The following LRP2 variants were observed in gnomAD, a reference collection of about 807,000 sequenced individuals.
LRP2 encodes the protein LDL receptor related protein 2.
A neutral mutation model predicts 531.0 loss-of-function variants in LRP2; 172 were observed. That is an observed-to-expected ratio of 0.32 (90% CI 0.29 to 0.37). The LOEUF is 0.37. Among genes scored for constraint, LRP2 ranks in the 10% least tolerant of loss-of-function variants. The probability of loss-of-function intolerance (pLI) is 1.00; values close to 1 mark genes in which losing one functional copy is unlikely to be tolerated. For missense variants in LRP2, 5,167 were observed against 5,868.3 expected, an observed-to-expected ratio of 0.88 and a Z score of 3.90; for synonymous variants, 1,992 against 2,027.6, an observed-to-expected ratio of 0.98 and a Z score of 0.47.
chr2:169,292,935 C>T (rs1370547816), intron 6 of LRP2, among the ~76,000 whole-genome samples: 1 of 152,008 alleles, frequency 6.6e-6, no homozygotes, highest in Non-Finnish European at 1.5e-5. Context: ...ATGACAACAT[C>T]CAACGTTCTC....
intron 1 of LRP2, among the ~76,000 whole-genome samples, chr2:169,333,526 G>T (rs1273472409): frequency 7.1e-6 from 1 of 141,022 alleles, no homozygotes. Flanking sequence ...GGGAGGGAGG[G>T]AGGGAGGGAG....
At chr2:169,144,878 G>A (rs966164290) in intron 70 of LRP2, among the ~76,000 whole-genome samples, 1 of 152,140 alleles carries the variant, frequency 6.6e-6, no homozygotes, top group African/African-American at 2.4e-5. Flanking sequence ...CATTCAACCT[G>A]GGACTTTGGC....
At chr2:169,178,598 G>A (rs1687305576) in intron 52 of LRP2, among the ~76,000 whole-genome samples, 1 of 152,146 alleles carries the variant, frequency 6.6e-6, no homozygotes, top group South Asian at 2.1e-4. Flanking sequence ...TATTAATCGT[G>A]CCATGGCACC....
chr2:169,328,456 A>AAAAAAAAAG (rs1685180191), intron 1 of LRP2, among the ~76,000 whole-genome samples: 3 of 147,188 alleles, frequency 2.0e-5, no homozygotes, highest in African/African-American at 7.5e-5. Flanking sequence ...AAAAAAAAAA[A>AAAAAAAAAG]AAAAAAAAGA....
In LRP2 at chr2:169,172,011, T is replaced by C; in HGVS notation, c.11263+4A>G. 2 of 1,614,046 alleles carry C rather than the reference T, an allele frequency of 1.2e-6. No individual in the cohort carries two copies. The highest frequency in any genetic ancestry group is 1.7e-6 in the Non-Finnish European group (2 of 1,179,954). On this transcript the variant is annotated splice_donor_region_variant and intron_variant, in intron 58 of 78. Transcript: ENST00000649046. ...ATAAGGACCATAGGACTGTGAACAC[T>C]CACCACAGTTTTCCTCATCTGAGTT...
At chr2:169,323,477 AG>A (rs1161460061) in intron 1 of LRP2, among the ~76,000 whole-genome samples, 1 of 152,210 alleles carries the variant, frequency 6.6e-6, no homozygotes, top group African/African-American at 2.4e-5. Context: ...GGTCTAGATT[AG>A]GTCTAATAAC....
chr2:169,156,581 T>C lies in LRP2; in HGVS notation c.12020-176A>G, dbSNP rs558810495. The stretch of plus-strand genomic sequence containing the variant: ...AGTTTCAGATACTGTTTCACATGCT[T>C]TTCAAATATTTTCCTCGTTTAGTCT... On this transcript the variant is annotated intron_variant, in intron 64 of 78. Coordinates refer to ENST00000649046, the MANE Select transcript of LRP2 (RefSeq NM_004525.3). Among the ~76,000 whole-genome samples, 4 of 152,292 alleles carry C rather than the reference T, an allele frequency of 2.6e-5. No homozygotes were observed. The South Asian group carries it at 8.3e-4, about 32-fold the overall frequency.
intron 58 of LRP2, 106 bp downstream of exon 58, chr2:169,171,909 C>G: frequency 7.3e-7 from 1 of 1,377,600 alleles, no homozygotes; most frequent in Admixed American, 1.7e-5. Flanking sequence ...AGCTTGATAT[C>G]ATCCTACCCA....
chr2:169,151,464 A>T (rs1686120592), intron 67 of LRP2, among the ~76,000 whole-genome samples: 1 of 152,122 alleles, frequency 6.6e-6, no homozygotes, highest in Non-Finnish European at 1.5e-5. Context: ...TAGAAGTCAT[A>T]AGGCACGGTG....
At position 169,213,791 on chromosome 2, in the gene LRP2, T is replaced by C. The variant is rs766366404; in HGVS notation, c.5906A>G (p.His1969Arg). ...QLSHPWGIAVHDSFLYYTDEQ... is the reference protein window; with the variant it reads ...QLSHPWGIAVRDSFLYYTDEQ... The stretch of plus-strand genomic sequence containing the variant: ...ATCAGTATAATAAAGGAAAGAATCA[T>C]GGACTGCAATTCCCCAGGGGTGGGA... Residue 1969 changes from histidine (H) to arginine (R), a missense_variant, in exon 36 of 79, where the codon CAT (histidine) becomes CGT (arginine). Physicochemically the swap from His to Arg is conservative, Grantham distance 29 (BLOSUM62 0). This residue lies in a region of LRP2 where 2,811 missense variants were observed against 3,058.0 expected (regional missense o/e 0.92). Coordinates refer to ENST00000649046, the MANE Select transcript of LRP2 (RefSeq NM_004525.3). The C allele has an allele frequency of 2.0e-5, 32 of 1,613,790 alleles. No homozygotes were observed. The highest frequency in any genetic ancestry group is 2.5e-5 in the Non-Finnish European group (29 of 1,179,752).
chr2:169,272,792 A>G, intron 15 of LRP2, 135 bp downstream of exon 15: 1 of 1,094,916 alleles, frequency 9.1e-7, no homozygotes, highest in South Asian at 1.3e-5. Context: ...CCTGTGGGCT[A>G]CAGAAAGCTT....
chr2:169,281,704 C>G (rs1048161936), intron 10 of LRP2, among the ~76,000 whole-genome samples: 1 of 151,126 alleles, frequency 6.6e-6, no homozygotes, highest in Non-Finnish European at 1.5e-5. Context: ...GGCAACAGAG[C>G]GAGACTCATT....
intron 63 of LRP2, among the ~76,000 whole-genome samples, chr2:169,160,617 A>G (rs1227989189): frequency 1.3e-5 from 2 of 151,862 alleles, no homozygotes; most frequent in African/African-American, 4.8e-5. Context: ...CATGTCACAT[A>G]TTCACTTAAT....
At chr2:169,327,344 A>G (rs1206199441) in intron 1 of LRP2, among the ~76,000 whole-genome samples, 33 of 104,854 alleles carry the variant, frequency 3.1e-4, no homozygotes, top group South Asian at 3.9e-4. Flanking sequence ...CAGCCGCCCC[A>G]TCCGGGAGGT....
At position 169,227,136 on chromosome 2, in the gene LRP2, T is replaced by C. The variant is rs1689230160; in HGVS notation, c.5228-548A>G. ...ATGTATAATCCTATCAGTTGTTACT[T>C]GACTAGTGTCTCTCTTCCCTATAAG... On this transcript the variant is annotated intron_variant, in intron 31 of 78. Coordinates refer to ENST00000649046, the MANE Select transcript of LRP2 (RefSeq NM_004525.3). Among the ~76,000 whole-genome samples the C allele has an allele frequency of 2.0e-5, 3 of 152,244 alleles. No individual in the cohort carries two copies. The South Asian group carries it at 6.2e-4, about 32-fold the overall frequency.
intron 13 of LRP2, among the ~76,000 whole-genome samples, chr2:169,276,246 G>A (rs138381846): frequency 6.6e-6 from 1 of 152,212 alleles, no homozygotes; most frequent in East Asian, 1.9e-4. Flanking sequence ...AACCCTGAAT[G>A]CCACCTGCTG....
intron 3 of LRP2, among the ~76,000 whole-genome samples, chr2:169,313,610 A>C (rs55693114): frequency 0.036 from 5,516 of 152,280 alleles, 162 homozygotes; most frequent in East Asian, 0.096. Flanking sequence ...ATCCGGTGTC[A>C]GTCGGCCCCT....
In LRP2 at chr2:169,257,197, T is replaced by C. The variant is rs1295565728; in HGVS notation, c.2566A>G (p.Ser856Gly). Residue 856 changes from serine (S) to glycine (G), a missense_variant, in exon 18 of 79, where the codon AGT becomes GGT. Transcript: ENST00000649046. ...FRPAKIMRAWSDGSHLLPVIN... is the reference protein window; with the variant it reads ...FRPAKIMRAWGDGSHLLPVIN... ...ACAGGCAAGAGGTGAGATCCGTCACTCCATGCTCTCATAATTTTAGCAGGA... is the reference window on the plus strand; with the variant it reads ...ACAGGCAAGAGGTGAGATCCGTCACCCCATGCTCTCATAATTTTAGCAGGA... The C allele has an allele frequency of 1.2e-6, 2 of 1,612,890 alleles. No individual in the cohort carries two copies. Among genetic ancestry groups the C allele is most frequent in the East Asian group, 2.2e-5 (1 of 44,842 alleles).
chr2:169,243,540 C>A lies in LRP2; in HGVS notation c.3431-18G>T. On this transcript the variant is annotated intron_variant, in intron 22 of 78. Coordinates refer to ENST00000649046, the MANE Select transcript of LRP2 (RefSeq NM_004525.3). ...TGTCGAATCTAATGTCATCCGAAAACAAAACCAACAAGTTTATTTCCTGTG... is the reference window on the plus strand; with the variant it reads ...TGTCGAATCTAATGTCATCCGAAAAAAAAACCAACAAGTTTATTTCCTGTG... The A allele has an allele frequency of 6.2e-7, 1 of 1,613,758 alleles. No homozygotes were observed. Among genetic ancestry groups the A allele is most frequent in the Non-Finnish European group, 8.5e-7 (1 of 1,179,760 alleles).
Sources: gnomAD v4.1 joint callset for allele counts (sites outside exome capture counted in the v4.1 genomes callset) on GRCh38, gnomAD v4.1.1 for gene constraint, gnomAD v4.1.1 regional missense constraint, MANE v1.5 for transcripts, NCBI Gene and HGNC (gene_info 2026-07-23, HGNC 2026-07-21) for gene names.